LIMCH1: variants seen among roughly 807,000 people sequenced by gnomAD.
LIMCH1 encodes the protein LIM and calponin homology domains 1, also known as LIM and calponin homology domains-containing protein 1.
LIMCH1 carries 113 observed loss-of-function variants against 176.5 expected under a neutral mutation model. The observed-to-expected ratio is 0.64, with a 90% CI of 0.55 to 0.75. The LOEUF (loss-of-function observed/expected upper bound fraction) is 0.75, where lower values mean the gene tolerates loss of function less well. Among genes scored for constraint, LIMCH1 ranks in the 30% least tolerant of loss-of-function variants. The pLI is 0.00. For missense variants in LIMCH1, 1,674 were observed against 1,814.9 expected (o/e 0.92, Z 1.41); for synonymous variants, 619 against 645.9 (o/e 0.96, Z 0.63).
chr4:41,400,833 T>C (rs1261111018), intron 1 of LIMCH1, among the ~76,000 whole-genome samples: 1 of 152,240 alleles, frequency 6.6e-6, no homozygotes, highest in Non-Finnish European at 1.5e-5. Context: ...AGAAATTTCA[T>C]AGCCAAATAT....
rs1476570512 is a variant in LIMCH1 at position 41,632,740 on chromosome 4, C to T, written c.1602-9C>T. 14 of 1,533,454 alleles carry T rather than the reference C, an allele frequency of 9.1e-6. 1 individual carries two copies. Among genetic ancestry groups the T allele is most frequent in the Admixed American group, 7.8e-5 (4 of 51,000 alleles). 95.0% of individuals were successfully genotyped at this position (1,533,454 alleles called of 1,614,324 possible). ...TCTCTTGCCACCAATGCTACTTGAT[C>T]GTCTGCAGAACAATGAATTGTGGCC... On this transcript the variant is annotated splice_polypyrimidine_tract_variant and intron_variant, in intron 10 of 31. Transcript: ENST00000503057.
At chr4:41,472,994 C>G in intron 1 of LIMCH1, 2 of 938,922 alleles carry the variant, frequency 2.1e-6, no homozygotes, top group Non-Finnish European at 2.5e-6. Flanking sequence ...TTTTTTTTTT[C>G]TCCTCGGTAG....
At chr4:41,366,922 T>G (rs1177960798) in intron 1 of LIMCH1, among the ~76,000 whole-genome samples, 1 of 151,922 alleles carries the variant, frequency 6.6e-6, no homozygotes, top group Admixed American at 6.5e-5. Context: ...TGACTTACAG[T>G]TCCACGTGGC....
chr4:41,693,086 T>C (rs556267379), intron 31 of LIMCH1: 2 of 152,290 alleles, frequency 1.3e-5, no homozygotes, highest in Admixed American at 1.3e-4. Context: ...GTTTAGAAAA[T>C]CTGAAAATGG....
chr4:41,565,412 CACAT>C (rs1189821938), intron 1 of LIMCH1, among the ~76,000 whole-genome samples: 13 of 150,068 alleles, frequency 8.7e-5, no homozygotes, highest in Admixed American at 2.7e-4. Flanking sequence ...CACACACACA[CACAT>C]ATATATGATA....
chr4:41,641,009 C>T (rs1306097782), intron 14 of LIMCH1, among the ~76,000 whole-genome samples: 1 of 152,184 alleles, frequency 6.6e-6, no homozygotes, highest in Non-Finnish European at 1.5e-5. Context: ...GTTGTGAGAG[C>T]CATAGGCCAT....
chr4:41,382,098 T>TA (rs1284774664), intron 1 of LIMCH1, among the ~76,000 whole-genome samples: 3 of 152,222 alleles, frequency 2.0e-5, no homozygotes, highest in Non-Finnish European at 4.4e-5. Flanking sequence ...TGACCGCAGA[T>TA]ACATGAGCAG....
intron 28 of LIMCH1, 27 bp downstream of exon 28, chr4:41,685,857 G>A: frequency 6.3e-7 from 1 of 1,598,656 alleles, no homozygotes; most frequent in Non-Finnish European, 8.5e-7. Flanking sequence ...GATGGTTGTG[G>A]GATTCCCTTT....
intron 10 of LIMCH1, among the ~76,000 whole-genome samples, chr4:41,632,520 C>T (rs570438261): frequency 6.6e-6 from 1 of 152,284 alleles, no homozygotes; most frequent in African/African-American, 2.4e-5. Flanking sequence ...GCCCATCATT[C>T]AGTCTTGTGG....
upstream of LIMCH1, among the ~76,000 whole-genome samples, chr4:41,535,678 C>T (rs540447552): frequency 3.3e-5 from 5 of 152,238 alleles, no homozygotes; most frequent in African/African-American, 7.2e-5. Flanking sequence ...CAATTTAGCT[C>T]GTAACAGTGG....
intron 3 of LIMCH1, among the ~76,000 whole-genome samples, chr4:41,530,872 A>G (rs960347864): frequency 2.0e-5 from 2 of 102,134 alleles, no homozygotes; most frequent in Admixed American, 2.9e-4. Context: ...GGGAAGAGGG[A>G]GGTTAGAGGT....
At chr4:41,573,622 C>T (rs1180513278) in intron 1 of LIMCH1, among the ~76,000 whole-genome samples, 1 of 152,192 alleles carries the variant, frequency 6.6e-6, no homozygotes. Context: ...AACTGCATTC[C>T]TGTTGCTGGG....
At chr4:41,383,960 TA>T (rs2056100001) in intron 1 of LIMCH1, among the ~76,000 whole-genome samples, 1 of 152,150 alleles carries the variant, frequency 6.6e-6, no homozygotes, top group Non-Finnish European at 1.5e-5. Flanking sequence ...AGACAACTAA[TA>T]GTATCAGCAG....
intron 14 of LIMCH1, 134 bp downstream of exon 14, chr4:41,639,101 G>T (rs1417856729): frequency 4.5e-6 from 3 of 672,690 alleles, no homozygotes; most frequent in Non-Finnish European, 7.6e-6. Context: ...CAAAGCACTT[G>T]AAGTTGGAAT....
At chr4:41,497,302 G>A (rs993970725) in intron 2 of LIMCH1, among the ~76,000 whole-genome samples, 1 of 147,898 alleles carries the variant, frequency 6.8e-6, no homozygotes, top group African/African-American at 2.5e-5. Context: ...TTCCTGAGTT[G>A]TTGTAGGAGT....
intron 1 of LIMCH1, among the ~76,000 whole-genome samples, chr4:41,419,720 C>CG (rs1211529326): frequency 9.2e-4 from 115 of 124,778 alleles, no homozygotes; most frequent in African/African-American, 3.4e-3. Context: ...TCCTTCCTTC[C>CG]TCCTTCCTTT....
intron 22 of LIMCH1, among the ~76,000 whole-genome samples, chr4:41,672,624 A>G (rs2095086379): frequency 6.6e-6 from 1 of 152,218 alleles, no homozygotes; most frequent in Non-Finnish European, 1.5e-5. Flanking sequence ...TTAATGAAAT[A>G]AGAAAACATT....
At chr4:41,383,873 A>G (rs191939297) in intron 1 of LIMCH1, among the ~76,000 whole-genome samples, 16 of 152,256 alleles carry the variant, frequency 1.1e-4, no homozygotes, top group Non-Finnish European at 1.6e-4. Flanking sequence ...AGAAAGAGGA[A>G]CCTGCAGAGA....
At chr4:41,593,853 G>T (rs965107378) in intron 1 of LIMCH1, among the ~76,000 whole-genome samples, 5 of 152,142 alleles carry the variant, frequency 3.3e-5, no homozygotes, top group Non-Finnish European at 7.4e-5. Flanking sequence ...ACTGTCCCTT[G>T]ATCTAGATTC....
Sources: gnomAD v4.1 joint callset for allele counts (sites outside exome capture counted in the v4.1 genomes callset) on GRCh38, gnomAD v4.1.1 for gene constraint, MANE v1.5 for transcripts, NCBI Gene and HGNC (gene_info 2026-07-23, HGNC 2026-07-21) for gene names.